The following SYTL2 variants were observed in gnomAD, a reference collection of about 807,000 sequenced individuals.
SYTL2 encodes the protein synaptotagmin like 2, also known as synaptotagmin-like protein 2.
Under a neutral mutation model 198.7 loss-of-function variants are expected in SYTL2, and 165 were observed. The ratio of observed to expected loss-of-function variants is 0.83; its 90% confidence interval spans 0.73 to 0.94. SYTL2 has a LOEUF of 0.94. Among genes scored for constraint, SYTL2 ranks in the 40% least tolerant of loss-of-function variants. The pLI is 0.00. For synonymous variants in SYTL2, 966 were observed against 917.7 expected, an observed-to-expected ratio of 1.05 and a Z score of -0.95; for missense variants, 2,835 against 2,582.8, an observed-to-expected ratio of 1.10 and a Z score of -2.12.
chr11:85,759,988 G>A lies in SYTL2; in HGVS notation c.-389-1874C>T, dbSNP rs187814091. Among the ~76,000 whole-genome samples, 98 of 152,294 alleles carry A rather than the reference G, an allele frequency of 6.4e-4. 1 individual carries two copies. The highest frequency in any genetic ancestry group is 2.2e-3 in the African/African-American group (93 of 41,568). ...TACTATCATGTTCCCACCAGAGTAAGCAAAGAATTCATCCCTATCCTCCTA... is the reference window on the plus strand; with the variant it reads ...TACTATCATGTTCCCACCAGAGTAAACAAAGAATTCATCCCTATCCTCCTA... On this transcript the variant is annotated intron_variant, in intron 1 of 19. Coordinates refer to ENST00000359152, the MANE Select transcript of SYTL2 (RefSeq NM_206927.4).
At chr11:85,702,223 T>G (rs1224419684) in intron 16 of SYTL2, among the ~76,000 whole-genome samples, 1 of 149,922 alleles carries the variant, frequency 6.7e-6, no homozygotes, top group Non-Finnish European at 1.5e-5. Context: ...AGGGTCTCGC[T>G]TTGTTGCCCA....
rs1179721467 is a variant in SYTL2, at chr11:85,811,026, G to C, written c.-462C>G. 1 of 152,206 alleles carries C rather than the reference G, an allele frequency of 6.6e-6. No individual in the cohort carries two copies. Among genetic ancestry groups the C allele is most frequent in the Non-Finnish European group, 1.5e-5 (1 of 68,036 alleles). 9.4% of individuals were successfully genotyped at this position (152,206 alleles called of 1,614,324 possible). A position where few individuals can be genotyped will look rare whatever the true frequency, so the allele number is the denominator to read the frequency against. On this transcript the variant is annotated 5_prime_UTR_variant, in exon 1 of 20. Coordinates refer to ENST00000359152, the MANE Select transcript of SYTL2 (RefSeq NM_206927.4). ...CTTCTGGCCCCCAGCCCTCGGCCTGGCGGTGCAAACCGCGCAGCCCCGGGC... is the reference window on the plus strand; with the variant it reads ...CTTCTGGCCCCCAGCCCTCGGCCTGCCGGTGCAAACCGCGCAGCCCCGGGC...
chr11:85,775,059 T>C (rs1321377337), intron 1 of SYTL2, among the ~76,000 whole-genome samples: 1 of 151,800 alleles, frequency 6.6e-6, no homozygotes, highest in African/African-American at 2.4e-5. Context: ...CCAAGCTAGC[T>C]TAGGGAGAAA....
At chr11:85,809,507 G>C (rs2093003103) in intron 1 of SYTL2, among the ~76,000 whole-genome samples, 1 of 152,184 alleles carries the variant, frequency 6.6e-6, no homozygotes, top group South Asian at 2.1e-4. Flanking sequence ...CCTTATTCCA[G>C]CTTGCTCTTA....
At position 85,787,695 on chromosome 11, in the gene SYTL2, C is replaced by CCTTTTTT. The variant is rs1566023900; in HGVS notation, c.-390+23258_-390+23259insAAAAAAG. Reference sequence around the variant, plus strand: ...TTATTTCTTTTTTCTGTTTTTTTTTCTTTTCCTTTTTTTTTTTTTTTTTTG... The same window carrying CCTTTTTT: ...TTATTTCTTTTTTCTGTTTTTTTTTCCTTTTTTTTTTCCTTTTTTTTTTTTTTTTTTG... On this transcript the variant is annotated intron_variant, in intron 1 of 19. Transcript: ENST00000359152. 3.2e-4 allele frequency among the ~76,000 whole-genome samples: 33 copies of CCTTTTTT among 102,662 alleles called. 2 individuals carry two copies. Among genetic ancestry groups the CCTTTTTT allele is most frequent in the Non-Finnish European group, 4.6e-4 (23 of 49,810 alleles). 67.4% of individuals were successfully genotyped at this position (102,662 alleles called of 152,430 possible). A position where few individuals can be genotyped will look rare whatever the true frequency, so the allele number is the denominator to read the frequency against.
intron 14 of SYTL2, chr11:85,708,134 C>T (rs571117408): frequency 2.4e-6 from 1 of 423,932 alleles, no homozygotes; most frequent in South Asian, 1.7e-5. Context: ...GCCTGGGCAA[C>T]AACAGTGAAA....
intron 1 of SYTL2, among the ~76,000 whole-genome samples, chr11:85,768,356 A>G (rs1037548367): frequency 6.6e-6 from 1 of 152,258 alleles, no homozygotes; most frequent in African/African-American, 2.4e-5. Context: ...GAGTCAAAAG[A>G]TAATTGAAAG....
At chr11:85,721,840 C>G (rs1330557732) in intron 8 of SYTL2, among the ~76,000 whole-genome samples, 3 of 152,146 alleles carry the variant, frequency 2.0e-5, no homozygotes, top group Non-Finnish European at 4.4e-5. Flanking sequence ...TTAAAATGTT[C>G]CTTACTGCGG....
At chr11:85,840,358 T>C in the SYTL2 span, among the ~76,000 whole-genome samples, 5 of 152,222 alleles carry the variant, frequency 3.3e-5, no homozygotes, top group South Asian at 2.1e-4. Flanking sequence ...CAAGAAAGCA[T>C]TGCCCAGTCC....
At chr11:85,696,155 G>A in intron 19 of SYTL2, 28 bp downstream of exon 19, 1 of 1,606,546 alleles carries the variant, frequency 6.2e-7, no homozygotes, top group Non-Finnish European at 8.5e-7. Context: ...TTTGGCTCAT[G>A]GAGAATTAAA....
intron 11 of SYTL2, among the ~76,000 whole-genome samples, chr11:85,715,389 A>G (rs2087026062): frequency 6.6e-6 from 1 of 152,138 alleles, no homozygotes. Context: ...AGTAAGCTCT[A>G]TATAAGTATT....
intron 1 of SYTL2, among the ~76,000 whole-genome samples, chr11:85,766,248 G>A (rs2092235157): frequency 6.6e-6 from 1 of 152,174 alleles, no homozygotes. Flanking sequence ...ATGCTTGCCA[G>A]TCTTGATAAA....
At chr11:85,709,300 G>A (rs761136567) in intron 14 of SYTL2, 31 bp downstream of exon 14, 5 of 1,607,530 alleles carry the variant, frequency 3.1e-6, no homozygotes, top group Non-Finnish European at 4.3e-6. Flanking sequence ...GGAGAACTAA[G>A]AGAAGGTAGG....
At chr11:85,848,457 G>A in the SYTL2 span, among the ~76,000 whole-genome samples, 12 of 107,852 alleles carry the variant, frequency 1.1e-4, no homozygotes, top group East Asian at 2.0e-4. Flanking sequence ...TTCATTTTGA[G>A]TTAATTTTTT....
the SYTL2 span, among the ~76,000 whole-genome samples, chr11:85,818,758 A>G: frequency 6.6e-6 from 1 of 152,160 alleles, no homozygotes; most frequent in East Asian, 1.9e-4. Context: ...TGGTGTGATC[A>G]TAGTTCACTG....
upstream of SYTL2, among the ~76,000 whole-genome samples, chr11:85,814,952 C>T (rs978844775): frequency 6.6e-6 from 1 of 152,160 alleles, no homozygotes; most frequent in Non-Finnish European, 1.5e-5. Flanking sequence ...TTCTTGGCAT[C>T]GATTTCATCC....
At chr11:85,705,110 T>A in intron 15 of SYTL2, 82 bp from the exon 16 acceptor site, 2 of 1,110,024 alleles carry the variant, frequency 1.8e-6, no homozygotes, top group Admixed American at 2.2e-5. Context: ...GAGAAATTCA[T>A]CTGTATATAG....
chr11:85,844,031 TAGA>T, the SYTL2 span, among the ~76,000 whole-genome samples: 8 of 152,342 alleles, frequency 5.3e-5, no homozygotes, highest in Admixed American at 2.0e-4. Flanking sequence ...GGGCATTCGA[TAGA>T]AGAAGGATTT....
intron 1 of SYTL2, among the ~76,000 whole-genome samples, chr11:85,759,362 C>T (rs537558819): frequency 6.6e-6 from 1 of 151,982 alleles, no homozygotes; most frequent in Non-Finnish European, 1.5e-5. Context: ...AACAGAATTA[C>T]TGGGAAGTTA....
Sources: gnomAD v4.1 joint callset for allele counts (sites outside exome capture counted in the v4.1 genomes callset) on GRCh38, gnomAD v4.1.1 for gene constraint, MANE v1.5 for transcripts, NCBI Gene and HGNC (gene_info 2026-07-23, HGNC 2026-07-21) for gene names.